Variants in TRIM16 observed in about 807,000 individuals in gnomAD.
TRIM16 encodes the protein tripartite motif containing 16.
Under a neutral mutation model 50.4 loss-of-function variants are expected in TRIM16, and 33 were observed. The ratio of observed to expected loss-of-function variants is 0.65; its 90% CI spans 0.50 to 0.88. TRIM16 has a LOEUF of 0.88. Ranked by LOEUF, TRIM16 falls within the 40% of genes least tolerant of loss-of-function variation. The pLI, the probability that TRIM16 is intolerant of heterozygous loss-of-function variation, is 0.00. For synonymous variants in TRIM16, 229 were observed against 270.7 expected, an observed-to-expected ratio of 0.85 and a Z score of 1.51; for missense variants, 581 against 686.8, an observed-to-expected ratio of 0.85 and a Z score of 1.72.
rs1987725135 is a variant in TRIM16, at chr17:15,651,833, C to G, written c.-224G>C. ...GCAGCTAGAGTACTCAGGCTCAGGA[C>G]AGCCGGCTCAGGCTCAGGCTGCCTC... On this transcript the variant is annotated 5_prime_UTR_variant, in exon 7 of 12. Transcript: ENST00000649191. The G allele has an allele frequency of 7.0e-7, 1 of 1,431,792 alleles. No homozygotes were observed. The highest frequency in any genetic ancestry group is 2.8e-5 in the Admixed American group (1 of 35,356). The allele number at this position is 1,431,792 out of a possible 1,614,324, so 88.7% of individuals were successfully genotyped here.
intron 6 of TRIM16, among the ~76,000 whole-genome samples, chr17:15,657,288 T>C (rs1438988274): frequency 2.6e-5 from 4 of 151,482 alleles, no homozygotes; most frequent in Non-Finnish European, 5.9e-5. Context: ...CCAGGCTAGA[T>C]TGTAGTGGTG....
At chr17:15,680,557 T>A (rs528784154) in intron 4 of TRIM16, among the ~76,000 whole-genome samples, 30 of 152,158 alleles carry the variant, frequency 2.0e-4, no homozygotes, top group African/African-American at 7.2e-4. Flanking sequence ...TAAAGAGGCC[T>A]CATTCCCATC....
At chr17:15,643,858 T>A (rs564228729) in intron 7 of TRIM16, among the ~76,000 whole-genome samples, 1 of 152,368 alleles carries the variant, frequency 6.6e-6, no homozygotes, top group South Asian at 2.1e-4. Context: ...TACATTTTTT[T>A]ACTTAGCAGT....
intron 6 of TRIM16, among the ~76,000 whole-genome samples, chr17:15,653,925 A>G (rs1054539294): frequency 6.6e-6 from 1 of 152,174 alleles, no homozygotes; most frequent in African/African-American, 2.4e-5. Context: ...AGCTTTCTAC[A>G]GTTTTCCCTG....
In TRIM16 at chr17:15,651,138, T is replaced by C; in HGVS notation, c.472A>G (p.Ser158Gly). Residue 158 changes from serine to glycine, a missense_variant, in exon 7 of 12, where the codon AGT (serine) becomes GGT (glycine). By Grantham distance (56) the Ser-to-Gly change is moderately conservative. Coordinates refer to ENST00000649191, the MANE Select transcript of TRIM16 (RefSeq NM_001348119.1). ...TCCAGGGAGACTATGGTGTGGCCAC[T>C]GTGCTCCTGGCAACAGTCCTGGCAG... ...CICQDCCQEHSGHTIVSLDAA... is the reference protein window; with the variant it reads ...CICQDCCQEHGGHTIVSLDAA... The C allele has an allele frequency of 1.9e-6, 3 of 1,614,128 alleles. No individual in the cohort carries two copies. In the African/African-American group the frequency reaches 4.0e-5, roughly 22 times the overall value.
At chr17:15,659,530 CT>C (rs762138380) in intron 6 of TRIM16, among the ~76,000 whole-genome samples, 13 of 152,200 alleles carry the variant, frequency 8.5e-5, no homozygotes, top group Non-Finnish European at 1.6e-4. Context: ...TTGAACTATG[CT>C]TTGTTGAATC....
At chr17:15,654,042 T>C (rs1375400739) in intron 6 of TRIM16, among the ~76,000 whole-genome samples, 1 of 152,156 alleles carries the variant, frequency 6.6e-6, no homozygotes, top group African/African-American at 2.4e-5. Context: ...GCCCCAGGGA[T>C]CAGGCATTAG....
At chr17:15,678,435 A>G (rs149623567) in intron 4 of TRIM16, among the ~76,000 whole-genome samples, 61 of 152,272 alleles carry the variant, frequency 4.0e-4, no homozygotes, top group African/African-American at 1.4e-3. Context: ...AGACCTGGCC[A>G]TGAGATCCTA....
At chr17:15,673,548 AG>A (rs1988803518) in intron 6 of TRIM16, among the ~76,000 whole-genome samples, 1 of 152,218 alleles carries the variant, frequency 6.6e-6, no homozygotes, top group South Asian at 2.1e-4. Context: ...GGGAAAGTCA[AG>A]GGACTCCAAT....
Position 15,628,365 on chromosome 17 carries a change from C to G in TRIM16, c.*250G>C. The stretch of plus-strand genomic sequence containing the variant: ...CGGAGCTTGCAGTGAGCCAAGATCG[C>G]GCCACTGCTCTCCAGCCTGGGCAAC... On this transcript the variant is annotated 3_prime_UTR_variant, in exon 12 of 12. Coordinates refer to ENST00000649191, the MANE Select transcript of TRIM16 (RefSeq NM_001348119.1). 1 of 390,414 alleles carries G rather than the reference C, an allele frequency of 2.6e-6. No individual in the cohort carries two copies. The highest frequency in any genetic ancestry group is 4.5e-6 in the Non-Finnish European group (1 of 224,078). The allele number at this position is 390,414 out of a possible 1,614,324, so 24.2% of individuals were successfully genotyped here.
chr17:15,637,115 TG>T (rs570385958), intron 8 of TRIM16, among the ~76,000 whole-genome samples: 11,296 of 67,272 alleles, frequency 0.17, 1,074 homozygotes, highest in African/African-American at 0.36. Flanking sequence ...GGGAGGGAGG[TG>T]GGGGGGGGGG....
chr17:15,653,887 T>A (rs2150921531), intron 6 of TRIM16, among the ~76,000 whole-genome samples: 1 of 152,316 alleles, frequency 6.6e-6, no homozygotes, highest in African/African-American at 2.4e-5. Flanking sequence ...CCAGGATTAT[T>A]CCAGGGTACC....
intron 11 of TRIM16, among the ~76,000 whole-genome samples, chr17:15,631,082 A>G (rs1401325919): frequency 2.0e-5 from 3 of 152,164 alleles, no homozygotes; most frequent in Admixed American, 2.0e-4. Flanking sequence ...TGAGTTATGC[A>G]ATTCTGGCCA....
At chr17:15,639,947 A>G (rs917715334) in intron 8 of TRIM16, among the ~76,000 whole-genome samples, 3 of 149,286 alleles carry the variant, frequency 2.0e-5, no homozygotes, top group African/African-American at 7.4e-5. Context: ...TTCCAATTAT[A>G]TAACAATAAT....
chr17:15,636,630 CT>C (rs869137177), intron 8 of TRIM16, among the ~76,000 whole-genome samples: 3,040 of 121,144 alleles, frequency 0.025, 145 homozygotes, highest in African/African-American at 0.074. Flanking sequence ...AAGAATTTGG[CT>C]TTTTTTTTTT....
intron 6 of TRIM16, among the ~76,000 whole-genome samples, chr17:15,663,455 T>C (rs1305851823): frequency 6.6e-6 from 1 of 152,144 alleles, no homozygotes; most frequent in Non-Finnish European, 1.5e-5. Context: ...ATTTGACTGA[T>C]ATTTCTGCTT....
chr17:15,652,273 G>T (rs367660014), intron 6 of TRIM16, among the ~76,000 whole-genome samples: 11 of 147,836 alleles, frequency 7.4e-5, no homozygotes, highest in Non-Finnish European at 3.0e-5. Context: ...TCAGCCTCCC[G>T]AGTAGCTGGG....
At chr17:15,630,824 T>C (rs1418213606) in intron 11 of TRIM16, among the ~76,000 whole-genome samples, 6 of 150,166 alleles carry the variant, frequency 4.0e-5, no homozygotes, top group Non-Finnish European at 8.9e-5. Flanking sequence ...TCAAAAAATA[T>C]ACATACATAC....
At chr17:15,670,511 G>A (rs934475998) in intron 6 of TRIM16, among the ~76,000 whole-genome samples, 3 of 152,160 alleles carry the variant, frequency 2.0e-5, no homozygotes, top group Non-Finnish European at 2.9e-5. Context: ...GTCTGTGGAA[G>A]CTCAGCTCCA....
Sources: allele counts gnomAD v4.1 joint callset (sites outside exome capture counted in the v4.1 genomes callset), GRCh38; gene constraint gnomAD v4.1.1; transcripts MANE v1.5; gene names NCBI Gene and HGNC (gene_info 2026-07-23, HGNC 2026-07-21).